Variants in MSN observed in about 807,000 individuals in gnomAD.
The protein encoded by MSN is epididymis luminal protein 70.
MSN carries 2 observed loss-of-function variants against 48.0 expected under a neutral mutation model. The ratio of observed to expected loss-of-function variants is 0.04; its 90% CI spans 0.02 to 0.13. The LOEUF is 0.13. Ranked by LOEUF, MSN falls within the 10% of genes least tolerant of loss-of-function variation. MSN has a pLI of 1.00. For synonymous variants in MSN, 146 were observed against 166.9 expected, an observed-to-expected ratio of 0.87 and a Z score of 0.97; for missense variants, 267 against 470.1, an observed-to-expected ratio of 0.57 and a Z score of 3.99.
At chrX:65,620,037 G>A (rs2070420851) in intron 1 of MSN, among the ~76,000 whole-genome samples, 1 of 111,912 alleles carries the variant, frequency 8.9e-6, no homozygotes, top group South Asian at 3.7e-4. Context: ...AGGGGTCAGG[G>A]ACCCACGTGA....
intron 1 of MSN, among the ~76,000 whole-genome samples, chrX:65,648,735 C>A (rs953104472): frequency 9.2e-6 from 1 of 108,309 alleles, no homozygotes; most frequent in Non-Finnish European, 1.9e-5. Context: ...TGGTGGCACG[C>A]ACTTGTAATC....
intron 1 of MSN, among the ~76,000 whole-genome samples, chrX:65,618,278 T>C (rs1233019409): frequency 9.0e-6 from 1 of 111,068 alleles, no homozygotes; most frequent in Admixed American, 9.6e-5. Context: ...CTTTCTGTCT[T>C]GTTGATCTGT....
upstream of MSN, among the ~76,000 whole-genome samples, chrX:65,664,565 A>T (rs2070852055): frequency 9.1e-6 from 1 of 110,492 alleles, no homozygotes; most frequent in African/African-American, 3.3e-5. Context: ...TCTGATCCCC[A>T]GTTCTCCTGA....
At chrX:65,638,618 G>C (rs928669704) in intron 1 of MSN, among the ~76,000 whole-genome samples, 7 of 112,503 alleles carry the variant, frequency 6.2e-5, no homozygotes, top group African/African-American at 1.9e-4. Flanking sequence ...GCAGTGGCAC[G>C]ATCTCAGCTC....
At chrX:65,726,612 T>A (rs1425118868) in intron 2 of MSN, among the ~76,000 whole-genome samples, 1 of 110,580 alleles carries the variant, frequency 9.0e-6, no homozygotes, top group East Asian at 2.8e-4. Context: ...TCTTTGTGAG[T>A]GAGTGTGTGT....
At chrX:65,667,984 T>C in intron 1 of MSN, 131 bp downstream of exon 1, 1 of 754,694 alleles carries the variant, frequency 1.3e-6, no homozygotes, top group Non-Finnish European at 1.9e-6. Flanking sequence ...TAGCCAAGGG[T>C]AGGGAGGGGA....
At chrX:65,620,136 C>A (rs2070422265) in intron 1 of MSN, among the ~76,000 whole-genome samples, 1 of 112,593 alleles carries the variant, frequency 8.9e-6, no homozygotes, top group Non-Finnish European at 1.9e-5. Context: ...ACATTTAAGT[C>A]TGCAGAGGTT....
rs188733341 is a variant in MSN at position 65,674,314 on chromosome X, A to G, written c.12+6461A>G. Among the ~76,000 whole-genome samples, 12 of 111,602 alleles carry G rather than the reference A, an allele frequency of 1.1e-4. No individual in the cohort carries two copies. The East Asian group carries it at 3.1e-3, about 29-fold the overall frequency. On this transcript the variant is annotated intron_variant, in intron 1 of 12. Transcript: ENST00000360270. ...GAGGTCACATATAGTTGGTAACAGTATTGAAAGGAGAACTTGGATTTCCTA... is the reference window on the plus strand; with the variant it reads ...GAGGTCACATATAGTTGGTAACAGTGTTGAAAGGAGAACTTGGATTTCCTA...
rs1198867975 is a variant in MSN at position 65,695,308 on chromosome X, C to A, written c.13-21510C>A. Among the ~76,000 whole-genome samples, 4 of 109,979 alleles carry A rather than the reference C, an allele frequency of 3.6e-5. No homozygotes were observed. The Admixed American group carries it at 3.9e-4, about 11-fold the overall frequency. ...CTGAGGTCAGGAGTTCGAGACCAGC[C>A]TGATCAACATGGTGAAACCCCGTCT... On this transcript the variant is annotated intron_variant, in intron 1 of 12. Coordinates refer to ENST00000360270, the MANE Select transcript of MSN (RefSeq NM_002444.3).
At chrX:65,672,440 G>A (rs1215726523) in intron 1 of MSN, among the ~76,000 whole-genome samples, 1 of 111,955 alleles carries the variant, frequency 8.9e-6, no homozygotes, top group Admixed American at 9.5e-5. Flanking sequence ...AGTGAAGGGG[G>A]TGGTCTTTTC....
At chrX:65,636,769 A>AAAC (rs2070604594) in intron 1 of MSN, among the ~76,000 whole-genome samples, 1 of 102,090 alleles carries the variant, frequency 9.8e-6, no homozygotes, top group African/African-American at 3.6e-5. Context: ...AAAAAAAAAA[A>AAAC]AAAAACCAGA....
At chrX:65,616,616 T>TG (rs1179909755) in intron 1 of MSN, among the ~76,000 whole-genome samples, 1 of 85,711 alleles carries the variant, frequency 1.2e-5, no homozygotes, top group Non-Finnish European at 2.3e-5. Flanking sequence ...GCTGAGACAA[T>TG]GGGGTTTTCT....
At chrX:65,663,689 C>T (rs1423958002), upstream of MSN, among the ~76,000 whole-genome samples, 4 of 111,216 alleles carry the variant, frequency 3.6e-5, no homozygotes, top group Non-Finnish European at 7.5e-5. Flanking sequence ...TTCACAGTAA[C>T]GAAGACATGA....
intron 1 of MSN, among the ~76,000 whole-genome samples, chrX:65,605,379 C>A (rs2070270368): frequency 8.9e-6 from 1 of 111,987 alleles, no homozygotes; most frequent in Non-Finnish European, 1.9e-5. Flanking sequence ...ATATCCCTAA[C>A]ACATCCACCT....
chrX:65,620,580 G>C (rs892871133), intron 1 of MSN, among the ~76,000 whole-genome samples: 1 of 112,863 alleles, frequency 8.9e-6, no homozygotes, highest in Non-Finnish European at 1.9e-5. Flanking sequence ...CGCACGGTGC[G>C]CACACCCACT....
intron 1 of MSN, among the ~76,000 whole-genome samples, chrX:65,607,852 G>A (rs149873767): frequency 8.9e-6 from 1 of 111,933 alleles, no homozygotes; most frequent in African/African-American, 3.2e-5. Flanking sequence ...ACTGGGCGTG[G>A]TGACACATGC....
At chrX:65,671,364 A>G (rs1311361139) in intron 1 of MSN, among the ~76,000 whole-genome samples, 2 of 111,112 alleles carry the variant, frequency 1.8e-5, no homozygotes, top group Admixed American at 9.6e-5. Context: ...GGGACCATCA[A>G]TGTGAGCAGA....
intron 1 of MSN, among the ~76,000 whole-genome samples, chrX:65,705,061 G>A (rs185452491): frequency 1.7e-3 from 190 of 111,059 alleles, no homozygotes; most frequent in Non-Finnish European, 2.5e-3. Flanking sequence ...GTGAGCCACC[G>A]CGCCCAGCCT....
chrX:65,589,495 A>G (rs1399322099), intron 1 of MSN, among the ~76,000 whole-genome samples: 1 of 112,210 alleles, frequency 8.9e-6, no homozygotes, highest in Admixed American at 9.4e-5. Context: ...AAGACCGAGG[A>G]GGAAAAGGCA....
Sources: allele counts gnomAD v4.1 joint callset (sites outside exome capture counted in the v4.1 genomes callset), GRCh38; gene constraint gnomAD v4.1.1; transcripts MANE v1.5; gene names NCBI Gene and HGNC (gene_info 2026-07-23, HGNC 2026-07-21).